Variants in ZIC5 observed in about 807,000 individuals in gnomAD.
The protein encoded by ZIC5 is zinc finger protein ZIC 5.
In ZIC5, 20 loss-of-function variants were observed where a neutral mutation model predicts 28.5. That is an observed-to-expected ratio of 0.70 (90% CI 0.49 to 1.02). The LOEUF (loss-of-function observed/expected upper bound fraction) is 1.02, where lower values mean the gene tolerates loss of function less well. ZIC5 is among the 50% of genes least tolerant of loss of function. The pLI is 0.00. For synonymous variants in ZIC5, 488 were observed against 410.4 expected (o/e 1.19, Z -2.29); for missense variants, 951 against 899.7 (o/e 1.06, Z -0.73).
intron 1 of ZIC5, among the ~76,000 whole-genome samples, chr13:99,968,157 A>C (rs1432844537): frequency 6.6e-6 from 1 of 152,194 alleles, no homozygotes; most frequent in Non-Finnish European, 1.5e-5. Context: ...ATAACCCCCA[A>C]AAGGGAGAGC....
Position 99,970,347 on chromosome 13 carries a change from A to G in ZIC5, c.1257T>C (p.Asn419=). 6.2e-7 allele frequency: 1 copy of G among 1,604,326 alleles called. No homozygotes were observed. The highest frequency in any genetic ancestry group is 8.5e-7 in the Non-Finnish European group (1 of 1,176,316). Residue 419 remains asparagine, a synonymous_variant, in exon 1 of 2, where the codon AAT becomes AAC. Transcript: ENST00000267294. ...KTFGTMHELV[N]HVTVEHVGGP... ...CTCCCACGTGCTCCACCGTGACGTG[A>G]TTCACCAGCTCGTGCATGGTGCCGA...
In ZIC5 at chr13:99,971,423, C is replaced by T. The variant is rs944206004; in HGVS notation, c.181G>A (p.Gly61Ser). Residue 61 changes from glycine to serine, a missense_variant, in exon 1 of 2, where the codon GGC becomes AGC. Physicochemically the swap from Gly to Ser is moderately conservative, Grantham distance 56. Coordinates refer to ENST00000267294, the MANE Select transcript of ZIC5 (RefSeq NM_033132.5). ...LRLRDLGADP[G>S]VATTPLGPEH... ...GGTCCGAGCGGAGTGGTGGCCACGCCGGGGTCAGCGCCCAGGTCCCGCAGG... is the reference window on the plus strand; with the variant it reads ...GGTCCGAGCGGAGTGGTGGCCACGCTGGGGTCAGCGCCCAGGTCCCGCAGG... 1.6e-5 allele frequency: 24 copies of T among 1,504,184 alleles called. No homozygotes were observed. The highest frequency in any genetic ancestry group is 2.0e-5 in the Non-Finnish European group (23 of 1,126,068). The allele number at this position is 1,504,184 out of a possible 1,614,324, so 93.2% of individuals were successfully genotyped here. A position where few individuals can be genotyped will look rare whatever the true frequency, so the allele number is the denominator to read the frequency against.
Position 99,971,534 on chromosome 13 carries a change from G to A in ZIC5, c.70C>T (p.Gln24Ter), listed in dbSNP as rs1419276025. 3.9e-6 allele frequency: 6 copies of A among 1,552,044 alleles called. No individual in the cohort carries two copies. The African/African-American group carries it at 4.1e-5, about 11-fold the overall frequency. The change falls in exon 1 of 2, where the codon CAG (glutamine) becomes TAG (stop). Residue 24 changes from glutamine (Q) to a stop codon, truncating the protein, a stop_gained. Coordinates refer to ENST00000267294, the MANE Select transcript of ZIC5 (RefSeq NM_033132.5). LOFTEE classifies it high-confidence loss of function. ...RLADLATAQV[Q>*]PLQNMTGFPA... The stretch of plus-strand genomic sequence containing the variant: ...AAGCCTGTCATATTCTGAAGCGGCT[G>A]GACCTGAGCCGTTGCCAAATCCGCT...
Position 99,971,574 on chromosome 13 carries a change from C to T in ZIC5, c.30G>A (p.Pro10=). 6.4e-7 allele frequency: 1 copy of T among 1,553,682 alleles called. No individual in the cohort carries two copies. The highest frequency in any genetic ancestry group is 8.7e-7 in the Non-Finnish European group (1 of 1,147,866). MEPPLSKRN[P]PALRLADLAT... is the part of the protein sequence containing the mutation. ...CCAAATCCGCTAATCTCAGCGCTGG[C>T]GGGTTCCTCTTGCTCAAAGGGGGCT... Residue 10 remains proline, a synonymous_variant, in exon 1 of 2, where the codon CCG becomes CCA. Transcript: ENST00000267294.
At chr13:99,969,256 C>G (rs1234064766) in intron 1 of ZIC5, among the ~76,000 whole-genome samples, 1 of 152,180 alleles carries the variant, frequency 6.6e-6, no homozygotes, top group Non-Finnish European at 1.5e-5. Flanking sequence ...ACCAATTCCA[C>G]GACAGGGTAG....
In ZIC5 at chr13:99,971,621, G is replaced by T; in HGVS notation, c.-18C>A. On this transcript the variant is annotated 5_prime_UTR_variant, in exon 1 of 2. Transcript: ENST00000267294. The stretch of plus-strand genomic sequence containing the variant: ...GGCTCCATCAGAACTACACAATCAG[G>T]CCCATAGACCCTCACTGGGGGGACT... 6.4e-7 allele frequency: 1 copy of T among 1,560,320 alleles called. No individual in the cohort carries two copies. Among genetic ancestry groups the T allele is most frequent in the Admixed American group, 1.9e-5 (1 of 52,672 alleles).
chr13:99,967,549 T>C (rs771061340), intron 1 of ZIC5, among the ~76,000 whole-genome samples: 2 of 152,260 alleles, frequency 1.3e-5, no homozygotes, highest in African/African-American at 2.4e-5. Flanking sequence ...TTCTTCAATA[T>C]GGAGGCGTAA....
rs1162273285 is a variant in ZIC5 at position 99,964,704 on chromosome 13, T to C, written c.*673A>G. The C allele has an allele frequency of 1.3e-5, 2 of 152,492 alleles. No homozygotes were observed. Among genetic ancestry groups the C allele is most frequent in the Non-Finnish European group, 2.9e-5 (2 of 68,014 alleles). The allele number at this position is 152,492 out of a possible 1,614,324, so 9.4% of individuals were successfully genotyped here. ...CTGAAGAAATAATCCTGTATAAAAA[T>C]ATTGTATTAAGCTAAGATCAGTAAT... On this transcript the variant is annotated 3_prime_UTR_variant, in exon 2 of 2. Coordinates refer to ENST00000267294, the MANE Select transcript of ZIC5 (RefSeq NM_033132.5).
chr13:99,970,226 C>T lies in ZIC5; in HGVS notation c.1378G>A (p.Val460Met). ...GGAAAGGGCTTCTCGCCGGTGTGCA[C>T]GCGGATGTGGTTGATGAGCTTGTAT... Reference protein sequence around the residue: ...AKYKLINHIRVHTGEKPFPCP... With the variant: ...AKYKLINHIRMHTGEKPFPCP... The change falls in exon 1 of 2, where the codon GTG (valine) becomes ATG (methionine). Residue 460 changes from valine (V) to methionine (M), a missense_variant. By Grantham distance (21) the Val-to-Met change is conservative. Coordinates refer to ENST00000267294, the MANE Select transcript of ZIC5 (RefSeq NM_033132.5). The T allele has an allele frequency of 6.2e-7, 1 of 1,613,722 alleles. No homozygotes were observed. Among genetic ancestry groups the T allele is most frequent in the Non-Finnish European group, 8.5e-7 (1 of 1,179,860 alleles).
At position 99,970,114 on chromosome 13, in the gene ZIC5, G is replaced by T. The variant is rs775290048; in HGVS notation, c.1477+13C>A. On this transcript the variant is annotated intron_variant, in intron 1 of 1. Transcript: ENST00000267294. ...TGGCGGCGGCGGCGGCGCGGCCGGG[G>T]ACAGACACCCACCTGTATGAGTACG... The T allele has an allele frequency of 1.6e-5, 26 of 1,603,984 alleles. No homozygotes were observed. In the Admixed American group the frequency reaches 4.4e-4, roughly 27 times the overall value.
chr13:99,966,818 TA>T lies in ZIC5; in HGVS notation c.1478-1000del, dbSNP rs1162230504. Among the ~76,000 whole-genome samples the T allele has an allele frequency of 5.3e-5, 8 of 152,190 alleles. No homozygotes were observed. In the East Asian group the frequency reaches 1.5e-3, roughly 29 times the overall value. On this transcript the variant is annotated intron_variant, in intron 1 of 1. Coordinates refer to ENST00000267294, the MANE Select transcript of ZIC5 (RefSeq NM_033132.5). ...AAATGGAAATACTTAATAAGACAAC[TA>T]GAGAAATTCAGCCACACTACATTTT...
intron 1 of ZIC5, among the ~76,000 whole-genome samples, chr13:99,968,577 G>C (rs2053119781): frequency 6.6e-6 from 1 of 152,056 alleles, no homozygotes; most frequent in African/African-American, 2.4e-5. Context: ...CGCTCCCCTC[G>C]CGAGGCCTGG....
chr13:99,970,044 G>A, intron 1 of ZIC5, 83 bp downstream of exon 1: 4 of 1,589,940 alleles, frequency 2.5e-6, no homozygotes, highest in East Asian at 2.3e-5. Flanking sequence ...CGAGCAGGAG[G>A]AGGAGGAGAA....
Position 99,970,993 on chromosome 13 carries a change from G to A in ZIC5, c.611C>T (p.Pro204Leu). 2 of 1,406,480 alleles carry A rather than the reference G, an allele frequency of 1.4e-6. No homozygotes were observed. The highest frequency in any genetic ancestry group is 1.8e-6 in the Non-Finnish European group (2 of 1,093,036). The allele number at this position is 1,406,480 out of a possible 1,614,324, so 87.1% of individuals were successfully genotyped here. Residue 204 changes from proline to leucine, a missense_variant, in exon 1 of 2, where the codon CCC becomes CTC. Pro to Leu is a moderately conservative substitution (Grantham distance 98). Transcript: ENST00000267294. ...GTGGGGAGGCGGGGCCGGGTGCTGG[G>A]GGGAGCCGGTGCCGGACCGCTGCTC... ...GGEQRSGTGS[P>L]QHPAPPPHSA...
Position 99,965,656 on chromosome 13 carries a change from G to T in ZIC5, c.1641C>A (p.His547Gln), listed in dbSNP as rs1479996172. Reference sequence around the variant, plus strand: ...GCGGGGACTTGCAGTGAATCTTCATGTGCTTCCTCAGGGAGCTTGGGTGAG... The same window carrying T: ...GCGGGGACTTGCAGTGAATCTTCATTTGCTTCCTCAGGGAGCTTGGGTGAG... ...SYTHPSSLRK[H>Q]MKIHCKSPPP... is the part of the protein sequence containing the mutation. Residue 547 changes from histidine (H) to glutamine (Q), a missense_variant, in exon 2 of 2, where the codon CAC becomes CAA. Physicochemically the swap from His to Gln is conservative, Grantham distance 24. Coordinates refer to ENST00000267294, the MANE Select transcript of ZIC5 (RefSeq NM_033132.5). The T allele has an allele frequency of 6.2e-7, 1 of 1,614,118 alleles. No homozygotes were observed. Among genetic ancestry groups the T allele is most frequent in the Non-Finnish European group, 8.5e-7 (1 of 1,180,048 alleles).
chr13:99,968,570 T>TC (rs1029873185), intron 1 of ZIC5, among the ~76,000 whole-genome samples: 1 of 151,796 alleles, frequency 6.6e-6, no homozygotes, highest in Non-Finnish European at 1.5e-5. Context: ...GGAAGGCCGC[T>TC]CCCCTCGCGA....
chr13:99,971,790 A>C, upstream of ZIC5: 1 of 1,358,582 alleles, frequency 7.4e-7, no homozygotes, highest in South Asian at 1.3e-5. Flanking sequence ...TGAGCTGCAC[A>C]GTGGGACCGA....
At position 99,970,630 on chromosome 13, in the gene ZIC5, G is replaced by A; in HGVS notation, c.974C>T (p.Pro325Leu). 9.2e-7 allele frequency: 1 copy of A among 1,088,530 alleles called. No individual in the cohort carries two copies. The highest frequency in any genetic ancestry group is 1.1e-6 in the Non-Finnish European group (1 of 896,328). The allele number at this position is 1,088,530 out of a possible 1,614,324, so 67.4% of individuals were successfully genotyped here. Reference sequence around the variant, plus strand: ...GGGCGGCGCGTGGTGCTGCAGGTGGGGCCCGGGCCCGGCCGCTGCTGCGGC... The same window carrying A: ...GGGCGGCGCGTGGTGCTGCAGGTGGAGCCCGGGCCCGGCCGCTGCTGCGGC... ...AAAAAAAGPG[P>L]HLQHHAPPPA... Residue 325 changes from proline to leucine, a missense_variant, in exon 1 of 2, where the codon CCC becomes CTC. Around this residue, in one of 3 missense-constraint regions of ZIC5, gnomAD observed 784 missense variants for 660.1 expected, o/e 1.19. Coordinates refer to ENST00000267294, the MANE Select transcript of ZIC5 (RefSeq NM_033132.5).
chr13:99,965,021 G>GTGTATA lies in ZIC5; in HGVS notation c.*355_*356insTATACA, dbSNP rs1269496285. On this transcript the variant is annotated 3_prime_UTR_variant, in exon 2 of 2. Coordinates refer to ENST00000267294, the MANE Select transcript of ZIC5 (RefSeq NM_033132.5). ...TAAAAAAAATAATATATATATATATGTATATATATATATATATATATATTG... is the reference window on the plus strand; with the variant it reads ...TAAAAAAAATAATATATATATATATGTGTATATATATATATATATATATATATATTG... 1 of 136,072 alleles carries GTGTATA rather than the reference G, an allele frequency of 7.3e-6. No homozygotes were observed. The highest frequency in any genetic ancestry group is 2.7e-5 in the African/African-American group (1 of 36,644). 8.4% of individuals were successfully genotyped at this position (136,072 alleles called of 1,614,324 possible). A position where few individuals can be genotyped will look rare whatever the true frequency, so the allele number is the denominator to read the frequency against.
Sources: allele counts gnomAD v4.1 joint callset (sites outside exome capture counted in the v4.1 genomes callset), GRCh38; gene constraint gnomAD v4.1.1; regional missense constraint gnomAD v4.1.1; transcripts MANE v1.5; gene names NCBI Gene and HGNC (gene_info 2026-07-23, HGNC 2026-07-21).